Variants in SH2D4A observed in about 807,000 individuals in gnomAD.
The protein encoded by SH2D4A is SH2 domain containing 4A, also known as SH2 domain-containing protein 4A.
SH2D4A carries 70 observed loss-of-function variants against 64.7 expected under a neutral mutation model. The observed-to-expected ratio is 1.08, with a 90% CI of 0.89 to 1.32. SH2D4A has a LOEUF of 1.32. Among genes scored for constraint, SH2D4A ranks in the 40% most tolerant of loss-of-function variants. SH2D4A has a pLI of 0.00. For missense variants in SH2D4A, 706 were observed against 540.1 expected, an observed-to-expected ratio of 1.31 and a Z score of -3.04; for synonymous variants, 268 against 200.7, an observed-to-expected ratio of 1.34 and a Z score of -2.83.
chr8:19,338,365 C>T (rs537934340), intron 4 of SH2D4A, among the ~76,000 whole-genome samples: 1 of 152,168 alleles, frequency 6.6e-6, no homozygotes, highest in South Asian at 2.1e-4. Flanking sequence ...CAAATATATC[C>T]ACATTTAGAT....
rs139300119 is a variant in SH2D4A at position 19,357,032 on chromosome 8, G to A, written c.514-171G>A. 3.3e-3 allele frequency among the ~76,000 whole-genome samples: 501 copies of A among 152,268 alleles called. 2 individuals are homozygous for A. The highest frequency in any genetic ancestry group is 0.012 in the African/African-American group (482 of 41,552). On this transcript the variant is annotated intron_variant, in intron 4 of 9. Coordinates refer to ENST00000265807, the MANE Select transcript of SH2D4A (RefSeq NM_022071.4). ...GGGGATACTGAGGATTCACATGCCC[G>A]TTGCTGTAGTCAGGATCGGCCCAGG...
chr8:19,335,332 G>A (rs1272208572), intron 4 of SH2D4A, among the ~76,000 whole-genome samples: 1 of 151,954 alleles, frequency 6.6e-6, no homozygotes, highest in Non-Finnish European at 1.5e-5. Context: ...GTCACTTGGG[G>A]GATTTACCTT....
Position 19,357,382 on chromosome 8 carries a change from A to C in SH2D4A, c.594+99A>C. ...ATTAATCTCATGCAGAAATGAAATT[A>C]AGCAGCAGGATGGGAAATCTGTCCT... On this transcript the variant is annotated intron_variant, in intron 5 of 9. Coordinates refer to ENST00000265807, the MANE Select transcript of SH2D4A (RefSeq NM_022071.4). 3 of 898,510 alleles carry C rather than the reference A, an allele frequency of 3.3e-6. No individual in the cohort carries two copies. In the South Asian group the frequency reaches 4.4e-5, roughly 13 times the overall value. 55.7% of individuals were successfully genotyped at this position (898,510 alleles called of 1,614,324 possible).
chr8:19,315,320 G>A (rs757141967), intron 1 of SH2D4A, among the ~76,000 whole-genome samples: 3 of 152,110 alleles, frequency 2.0e-5, no homozygotes, highest in Non-Finnish European at 2.9e-5. Context: ...ACTTTATGTA[G>A]AGACGGAGTT....
At chr8:19,367,334 TA>T (rs2053013976) in intron 7 of SH2D4A, among the ~76,000 whole-genome samples, 1 of 152,166 alleles carries the variant, frequency 6.6e-6, no homozygotes, top group African/African-American at 2.4e-5. Flanking sequence ...TGGTTGTCTA[TA>T]ATGGTATACT....
chr8:19,320,259 T>A (rs1478599560), intron 2 of SH2D4A, among the ~76,000 whole-genome samples: 1 of 152,162 alleles, frequency 6.6e-6, no homozygotes, highest in African/African-American at 2.4e-5. Flanking sequence ...AAACTTTTCC[T>A]CGTTATCAAA....
At chr8:19,382,124 T>C (rs1398729467) in intron 8 of SH2D4A, among the ~76,000 whole-genome samples, 2 of 152,194 alleles carry the variant, frequency 1.3e-5, no homozygotes, top group East Asian at 1.9e-4. Context: ...TTTGAGTTAC[T>C]GTCTGCATCC....
At chr8:19,315,795 G>A (rs1297246364) in intron 1 of SH2D4A, among the ~76,000 whole-genome samples, 1 of 152,204 alleles carries the variant, frequency 6.6e-6, no homozygotes, top group Non-Finnish European at 1.5e-5. Flanking sequence ...GTCAGGGAGT[G>A]AAAGTAGGAA....
intron 8 of SH2D4A, 64 bp downstream of exon 8, chr8:19,373,724 C>T (rs1200506491): frequency 2.0e-6 from 3 of 1,510,680 alleles, no homozygotes; most frequent in African/African-American, 1.4e-5. Flanking sequence ...GCTAATCTAC[C>T]AGGAAGCCAG....
chr8:19,323,894 T>A (rs908724838), intron 2 of SH2D4A, among the ~76,000 whole-genome samples: 17 of 152,280 alleles, frequency 1.1e-4, no homozygotes, highest in Admixed American at 2.0e-4. Context: ...ATGAGGAAAG[T>A]CAAGCTCAGG....
intron 4 of SH2D4A, among the ~76,000 whole-genome samples, chr8:19,355,857 C>T (rs2052783694): frequency 6.6e-6 from 1 of 152,206 alleles, no homozygotes; most frequent in South Asian, 2.1e-4. Context: ...AAACATGCCT[C>T]CAGCAACTGT....
intron 1 of SH2D4A, among the ~76,000 whole-genome samples, chr8:19,314,258 T>G (rs73210499): frequency 0.069 from 10,499 of 152,158 alleles, 413 homozygotes; most frequent in South Asian, 0.13. Context: ...GGCCTAGAGT[T>G]TCTAGACTCC....
chr8:19,386,059 GGCCA>G (rs1456616133), intron 8 of SH2D4A, among the ~76,000 whole-genome samples: 2 of 152,144 alleles, frequency 1.3e-5, no homozygotes, highest in Non-Finnish European at 2.9e-5. Flanking sequence ...GAGAGGCTGT[GGCCA>G]GCAACAATCA....
rs926260482 is a variant in SH2D4A at position 19,395,624 on chromosome 8, G to C, written c.*982G>C. The C allele has an allele frequency of 1.3e-5, 2 of 152,354 alleles. No homozygotes were observed. Among genetic ancestry groups the C allele is most frequent in the African/African-American group, 4.8e-5 (2 of 41,526 alleles). 9.4% of individuals were successfully genotyped at this position (152,354 alleles called of 1,614,324 possible). A position where few individuals can be genotyped will look rare whatever the true frequency, so the allele number is the denominator to read the frequency against. ...ACAAATGCAGTGGGAAGAAGACCAG[G>C]GGACAAGAGGCAAGTTGGAGTGATG... On this transcript the variant is annotated 3_prime_UTR_variant, in exon 10 of 10. Coordinates refer to ENST00000265807, the MANE Select transcript of SH2D4A (RefSeq NM_022071.4).
chr8:19,313,963 C>A, intron 1 of SH2D4A, 140 bp downstream of exon 1: 1 of 1,262,816 alleles, frequency 7.9e-7, no homozygotes, highest in Non-Finnish European at 9.9e-7. Context: ...TCACCCCCGC[C>A]TCCACCCCTT....
intron 2 of SH2D4A, among the ~76,000 whole-genome samples, chr8:19,324,655 T>C (rs928016180): frequency 8.5e-5 from 13 of 152,200 alleles, no homozygotes; most frequent in Admixed American, 3.9e-4. Flanking sequence ...CTTCTCTGCC[T>C]TCATCTTGAA....
intron 8 of SH2D4A, among the ~76,000 whole-genome samples, chr8:19,374,315 C>G (rs764510341): frequency 4.6e-5 from 7 of 152,126 alleles, no homozygotes; most frequent in African/African-American, 1.7e-4. Context: ...TTCACAGGCC[C>G]CTCTGTTTCT....
intron 4 of SH2D4A, among the ~76,000 whole-genome samples, chr8:19,340,418 A>G (rs527840209): frequency 1.2e-4 from 18 of 152,210 alleles, no homozygotes; most frequent in Admixed American, 1.2e-3. Flanking sequence ...AGCATGACCC[A>G]GGTTTCTAAG....
In SH2D4A at chr8:19,364,652, C is replaced by G. The variant is rs182609017; in HGVS notation, c.917+370C>G. 1.7e-3 allele frequency among the ~76,000 whole-genome samples: 262 copies of G among 151,898 alleles called. 1 individual carries two copies. The highest frequency in any genetic ancestry group is 5.8e-3 in the African/African-American group (242 of 41,432). ...AGAAGAGGAAACAAGTGGGGTTTCA[C>G]TGATGCCCAAGATCACCCTTAGTCA... On this transcript the variant is annotated intron_variant, in intron 7 of 9. Coordinates refer to ENST00000265807, the MANE Select transcript of SH2D4A (RefSeq NM_022071.4).
Sources: gnomAD v4.1 joint callset for allele counts (sites outside exome capture counted in the v4.1 genomes callset) on GRCh38, gnomAD v4.1.1 for gene constraint, MANE v1.5 for transcripts, NCBI Gene and HGNC (gene_info 2026-07-23, HGNC 2026-07-21) for gene names.